Variants in TAF3 observed in about 807,000 individuals in gnomAD.
TAF3 encodes the protein TATA-box binding protein associated factor 3, also known as transcription initiation factor TFIID subunit 3.
In TAF3, 7 loss-of-function variants were observed where a neutral mutation model predicts 80.6. The observed-to-expected ratio is 0.09, with a 90% CI of 0.05 to 0.16. The LOEUF is 0.16. Ranked by LOEUF, TAF3 falls within the 10% of genes least tolerant of loss-of-function variation. TAF3 has a pLI of 1.00. For synonymous variants in TAF3, 444 were observed against 446.1 expected, an observed-to-expected ratio of 1.00 and a Z score of 0.06; for missense variants, 921 against 1,140.2, an observed-to-expected ratio of 0.81 and a Z score of 2.77.
intron 3 of TAF3, among the ~76,000 whole-genome samples, chr10:7,972,563 G>A (rs936413772): frequency 3.3e-5 from 5 of 152,166 alleles, no homozygotes; most frequent in East Asian, 1.9e-4. Context: ...ACTTTGAGCC[G>A]AGATAGCAGG....
chr10:7,889,014 T>C (rs978419568), intron 2 of TAF3, among the ~76,000 whole-genome samples: 3 of 152,228 alleles, frequency 2.0e-5, no homozygotes, highest in African/African-American at 7.2e-5. Context: ...ACTTTTTTTT[T>C]CTACACGTGG....
chr10:8,011,275 A>G (rs1318502381), intron 5 of TAF3, among the ~76,000 whole-genome samples: 1 of 151,654 alleles, frequency 6.6e-6, no homozygotes, highest in African/African-American at 2.4e-5. Flanking sequence ...TTTTCTTTTG[A>G]GGTAGTCTCA....
chr10:7,860,046 A>G (rs1837128774), intron 2 of TAF3, among the ~76,000 whole-genome samples: 1 of 152,108 alleles, frequency 6.6e-6, no homozygotes, highest in Non-Finnish European at 1.5e-5. Flanking sequence ...CAAGGTGGGC[A>G]GATTGCTTGA....
intron 2 of TAF3, among the ~76,000 whole-genome samples, chr10:7,920,299 C>CGTGTGTGTGTGTGTGTGTGT: frequency 9.9e-6 from 1 of 101,368 alleles, no homozygotes; most frequent in East Asian, 3.5e-4. Flanking sequence ...TTTAAACATA[C>CGTGTGTGTGTGTGTGTGTGT]GTGTGTGTGT....
At position 7,860,780 on chromosome 10, in the gene TAF3, TTTTCTTTCTTTC is replaced by T. The variant is rs369905405; in HGVS notation, c.409+36236_409+36247del. On this transcript the variant is annotated intron_variant, in intron 2 of 6. Transcript: ENST00000344293. Reference sequence around the variant, plus strand: ...GCCCAGTCTTTAGCTAACAGGAGCCTTTTCTTTCTTTCTTTCTTTCTTTCTTTTTTTTTTTTT... The same window carrying T: ...GCCCAGTCTTTAGCTAACAGGAGCCTTTTCTTTCTTTCTTTTTTTTTTTTT... Among the ~76,000 whole-genome samples, 792 of 149,340 alleles carry T rather than the reference TTTTCTTTCTTTC, an allele frequency of 5.3e-3. 10 individuals are homozygous for T. The highest frequency in any genetic ancestry group is 0.019 in the African/African-American group (751 of 40,434).
At chr10:7,935,958 C>T (rs979961297) in intron 2 of TAF3, among the ~76,000 whole-genome samples, 38 of 152,184 alleles carry the variant, frequency 2.5e-4, no homozygotes, top group Admixed American at 2.5e-3. Flanking sequence ...AGAGCACTCT[C>T]GAGTCTCATT....
chr10:7,894,675 T>G (rs897847814), intron 2 of TAF3, among the ~76,000 whole-genome samples: 1 of 152,218 alleles, frequency 6.6e-6, no homozygotes, highest in Non-Finnish European at 1.5e-5. Flanking sequence ...CTATGAAAAT[T>G]TTATATATGT....
chr10:7,996,417 C>T (rs1405610712), intron 4 of TAF3, among the ~76,000 whole-genome samples: 9 of 152,168 alleles, frequency 5.9e-5, no homozygotes, highest in Admixed American at 5.9e-4. Flanking sequence ...TGCTGCCAGC[C>T]ATCCAGCTCA....
chr10:7,848,573 T>C (rs1367630140), intron 2 of TAF3, among the ~76,000 whole-genome samples: 1 of 152,152 alleles, frequency 6.6e-6, no homozygotes, highest in African/African-American at 2.4e-5. Context: ...CGACAGCTGC[T>C]AGATATCCTG....
At chr10:7,822,450 CTTTTT>C in intron 1 of TAF3, among the ~76,000 whole-genome samples, 1 of 150,924 alleles carries the variant, frequency 6.6e-6, no homozygotes, top group Non-Finnish European at 1.5e-5. Context: ...TATTTATTTT[CTTTTT>C]TTAATGCATC....
chr10:8,013,645 G>A (rs566842821), intron 5 of TAF3, 86 bp from the exon 6 acceptor site: 1 of 1,059,708 alleles, frequency 9.4e-7, no homozygotes, highest in Admixed American at 1.8e-5. Context: ...TCGGTTAACA[G>A]TATAAAGTAA....
rs111510888 is a variant in TAF3 at position 7,934,063 on chromosome 10, C to T, written c.410-29857C>T. On this transcript the variant is annotated intron_variant, in intron 2 of 6. Coordinates refer to ENST00000344293, the MANE Select transcript of TAF3 (RefSeq NM_031923.4). ...CAAAATGCCACCTTTCTAACACTCT[C>T]GATAGCGTAGAGATTGATACTGTGA... Among the ~76,000 whole-genome samples the T allele has an allele frequency of 4.6e-5, 7 of 152,234 alleles. No homozygotes were observed. The East Asian group carries it at 9.6e-4, about 21-fold the overall frequency.
intron 2 of TAF3, among the ~76,000 whole-genome samples, chr10:7,896,286 A>G (rs1837503554): frequency 6.6e-6 from 1 of 152,146 alleles, no homozygotes; most frequent in African/African-American, 2.4e-5. Context: ...ATGGGGGGAA[A>G]ACGTAGACCA....
In TAF3 at chr10:7,964,216, A is replaced by G. The variant is rs376032844; in HGVS notation, c.706A>G (p.Ser236Gly). 14 of 1,614,226 alleles carry G rather than the reference A, an allele frequency of 8.7e-6. No homozygotes were observed. The African/African-American group carries it at 1.6e-4, about 18-fold the overall frequency. ...PMLSPVHVQD[S>G]TDLAPPSPEP... ...GCTTTCTCCAGTCCATGTACAGGAC[A>G]GTACAGACTTGGCACCTCCCTCACC... Residue 236 changes from serine (S) to glycine (G), a missense_variant, in exon 3 of 7, where the codon AGT becomes GGT. By Grantham distance (56) the Ser-to-Gly change is moderately conservative. Around this residue, in one of 6 missense-constraint regions of TAF3, gnomAD observed 743 missense variants for 821.0 expected, o/e 0.90. Transcript: ENST00000344293. The surrounding 1 kb of genome is among the most constrained non-coding windows in gnomAD (Gnocchi z 4.1).
Position 8,009,312 on chromosome 10 carries a change from G to A in TAF3, c.2550G>A (p.Glu850=), listed in dbSNP as rs764532737. 2.2e-5 allele frequency: 35 copies of A among 1,591,488 alleles called. No homozygotes were observed. The highest frequency in any genetic ancestry group is 3.0e-5 in the Non-Finnish European group (35 of 1,170,576). Residue 850 remains glutamate, a synonymous_variant, in exon 5 of 7, where the codon GAG becomes GAA. Coordinates refer to ENST00000344293, the MANE Select transcript of TAF3 (RefSeq NM_031923.4). This position sits in a 1 kb window ranked among gnomAD's most constrained non-coding sequence, Gnocchi z 4.1. ...CCCCCGTGCGCAGCGTGGTGACTGA[G>A]ACGGTCAGCACCTACGTGGTGCGTA... is the stretch of plus-strand genomic sequence containing the variant. ...AKAPVRSVVT[E]TVSTYVIRDE... is the part of the protein sequence containing the mutation.
intron 4 of TAF3, among the ~76,000 whole-genome samples, chr10:7,977,615 TAAG>T (rs768691861): frequency 6.6e-6 from 1 of 152,148 alleles, no homozygotes; most frequent in Non-Finnish European, 1.5e-5. Flanking sequence ...ATCTGAAAAA[TAAG>T]AAACTCTGTA....
At chr10:7,937,939 G>A (rs1383964543) in intron 2 of TAF3, among the ~76,000 whole-genome samples, 2 of 152,212 alleles carry the variant, frequency 1.3e-5, no homozygotes, top group African/African-American at 4.8e-5. Flanking sequence ...AGACCAGTCA[G>A]TGGAACATCC....
chr10:7,987,487 T>A (rs1831790112), intron 4 of TAF3, among the ~76,000 whole-genome samples: 1 of 152,196 alleles, frequency 6.6e-6, no homozygotes, highest in Non-Finnish European at 1.5e-5. Context: ...AACATTTAAG[T>A]TGTCAAAGGT....
At chr10:7,845,949 G>A (rs1404175405) in intron 2 of TAF3, among the ~76,000 whole-genome samples, 1 of 143,054 alleles carries the variant, frequency 7.0e-6, no homozygotes, top group East Asian at 2.1e-4. Context: ...GAAGTGGTTT[G>A]TGTGTTTTTG....
Sources: allele counts gnomAD v4.1 joint callset (sites outside exome capture counted in the v4.1 genomes callset), GRCh38; gene constraint gnomAD v4.1.1; regional missense constraint gnomAD v4.1.1; non-coding constraint Gnocchi (gnomAD v3.1); transcripts MANE v1.5; gene names NCBI Gene and HGNC (gene_info 2026-07-23, HGNC 2026-07-21).